The following SLC9A9 variants were observed in gnomAD, a reference collection of about 807,000 sequenced individuals.
The protein encoded by SLC9A9 is sodium/hydrogen exchanger 9.
SLC9A9 carries 62 observed loss-of-function variants against 77.8 expected under a neutral mutation model. The observed-to-expected ratio is 0.80, with a 90% CI of 0.65 to 0.98. The LOEUF (loss-of-function observed/expected upper bound fraction) is 0.98, where lower values mean the gene tolerates loss of function less well. Among genes scored for constraint, SLC9A9 ranks in the 50% least tolerant of loss-of-function variants. The pLI, the probability that SLC9A9 is intolerant of heterozygous loss-of-function variation, is 0.00. For missense variants in SLC9A9, 775 were observed against 774.9 expected, an observed-to-expected ratio of 1.00 and a Z score of 0.00; for synonymous variants, 320 against 283.5, an observed-to-expected ratio of 1.13 and a Z score of -1.29.
intron 9 of SLC9A9, among the ~76,000 whole-genome samples, chr3:143,512,004 G>A (rs2036123627): frequency 6.6e-6 from 1 of 152,170 alleles, no homozygotes; most frequent in African/African-American, 2.4e-5. Flanking sequence ...TCACAAAACA[G>A]GCAATTTCTC....
chr3:143,514,803 T>C lies in SLC9A9; in HGVS notation c.1090-19355A>G, dbSNP rs552274031. Among the ~76,000 whole-genome samples the C allele has an allele frequency of 3.3e-5, 5 of 152,356 alleles. No homozygotes were observed. The South Asian group carries it at 1.0e-3, about 32-fold the overall frequency. Reference sequence around the variant, plus strand: ...GAATGTTGTAGCTGGTTTTATCCTCTATCCAGACCACTAAAACTTTCTCTA... The same window carrying C: ...GAATGTTGTAGCTGGTTTTATCCTCCATCCAGACCACTAAAACTTTCTCTA... On this transcript the variant is annotated intron_variant, in intron 9 of 15. Coordinates refer to ENST00000316549, the MANE Select transcript of SLC9A9 (RefSeq NM_173653.4).
intron 1 of SLC9A9, among the ~76,000 whole-genome samples, chr3:143,838,632 A>G (rs972194757): frequency 1.3e-5 from 2 of 152,204 alleles, no homozygotes; most frequent in African/African-American, 4.8e-5. Flanking sequence ...AGAACATCTG[A>G]GTTCAGGAAT....
chr3:143,765,904 T>C (rs1360419763), intron 4 of SLC9A9, among the ~76,000 whole-genome samples: 4 of 152,186 alleles, frequency 2.6e-5, no homozygotes, highest in African/African-American at 9.7e-5. Context: ...AAATTTTTGC[T>C]GTTTCTGTCA....
chr3:143,795,947 G>A (rs1207830193), intron 3 of SLC9A9, among the ~76,000 whole-genome samples: 2 of 146,226 alleles, frequency 1.4e-5, no homozygotes, highest in Non-Finnish European at 3.0e-5. Flanking sequence ...GAGGGAGCCT[G>A]GAGTACACAC....
intron 6 of SLC9A9, among the ~76,000 whole-genome samples, chr3:143,622,603 C>G (rs931069204): frequency 1.3e-5 from 2 of 151,840 alleles, no homozygotes; most frequent in Admixed American, 6.5e-5. Context: ...CCTAAAAGAG[C>G]TCCTGAAAGA....
chr3:143,795,943 G>A (rs1361067433), intron 3 of SLC9A9, among the ~76,000 whole-genome samples: 1 of 147,110 alleles, frequency 6.8e-6, no homozygotes, highest in Non-Finnish European at 1.5e-5. Flanking sequence ...GCAAGAGGGA[G>A]CCTGGAGTAC....
chr3:143,320,625 A>T (rs2031384047), intron 14 of SLC9A9, among the ~76,000 whole-genome samples: 1 of 152,168 alleles, frequency 6.6e-6, no homozygotes, highest in Non-Finnish European at 1.5e-5. Flanking sequence ...CAGAACTCGA[A>T]CTTGCTTATC....
At chr3:143,617,746 T>G (rs1247392465) in intron 6 of SLC9A9, among the ~76,000 whole-genome samples, 1 of 152,206 alleles carries the variant, frequency 6.6e-6, no homozygotes, top group Non-Finnish European at 1.5e-5. Context: ...CTACTTCACT[T>G]ATCTATCTAC....
intron 11 of SLC9A9, among the ~76,000 whole-genome samples, chr3:143,489,006 A>G (rs1296952426): frequency 2.6e-5 from 4 of 151,962 alleles, no homozygotes; most frequent in Admixed American, 2.6e-4. Context: ...TTCACAAAAA[A>G]CCTGTTAAAC....
chr3:143,633,949 A>T (rs2038469370), intron 6 of SLC9A9, among the ~76,000 whole-genome samples: 1 of 152,064 alleles, frequency 6.6e-6, no homozygotes, highest in Non-Finnish European at 1.5e-5. Flanking sequence ...ACTATCTATT[A>T]AAACACCCAA....
intron 7 of SLC9A9, among the ~76,000 whole-genome samples, chr3:143,576,813 A>G (rs1371591771): frequency 3.3e-5 from 5 of 152,182 alleles, no homozygotes; most frequent in Admixed American, 6.5e-5. Flanking sequence ...CTGTCATAGC[A>G]TAAGTACTGG....
At chr3:143,693,343 G>GATGA (rs1365589743) in intron 4 of SLC9A9, 36 bp from the exon 5 acceptor site, 1 of 1,490,154 alleles carries the variant, frequency 6.7e-7, no homozygotes, top group Non-Finnish European at 9.4e-7. Context: ...CAAACATCAA[G>GATGA]ATGAACCCTG....
intron 5 of SLC9A9, among the ~76,000 whole-genome samples, chr3:143,680,964 T>C (rs1206392912): frequency 1.3e-5 from 2 of 152,142 alleles, no homozygotes; most frequent in Non-Finnish European, 2.9e-5. Context: ...TAGGTATTTA[T>C]TCCCTGACAT....
At chr3:143,645,414 C>T (rs2038688474) in intron 6 of SLC9A9, among the ~76,000 whole-genome samples, 4 of 152,078 alleles carry the variant, frequency 2.6e-5, no homozygotes, top group African/African-American at 9.7e-5. Context: ...ATATTGTTTG[C>T]CTACTTCAGT....
chr3:143,699,879 C>T (rs544999074), intron 4 of SLC9A9, among the ~76,000 whole-genome samples: 4 of 151,944 alleles, frequency 2.6e-5, no homozygotes, highest in Admixed American at 6.6e-5. Flanking sequence ...CTGTGTGACC[C>T]CTCCTTCAAC....
At chr3:143,487,636 T>C (rs1419508642) in intron 11 of SLC9A9, among the ~76,000 whole-genome samples, 1 of 151,844 alleles carries the variant, frequency 6.6e-6, no homozygotes, top group East Asian at 1.9e-4. Context: ...AATAACATAC[T>C]TTTAAATAAT....
At chr3:143,406,365 A>G (rs1388981639) in intron 12 of SLC9A9, among the ~76,000 whole-genome samples, 1 of 151,780 alleles carries the variant, frequency 6.6e-6, no homozygotes. Flanking sequence ...GATCACTAAG[A>G]TTTTATTTTT....
intron 2 of SLC9A9, among the ~76,000 whole-genome samples, chr3:143,823,751 AAT>A (rs1379124538): frequency 1.3e-5 from 2 of 151,798 alleles, no homozygotes; most frequent in African/African-American, 2.4e-5. Context: ...AAAAATATTT[AAT>A]AGTTACAATA....
chr3:143,584,424 C>T (rs2037507922), intron 6 of SLC9A9, among the ~76,000 whole-genome samples: 1 of 152,188 alleles, frequency 6.6e-6, no homozygotes, highest in Non-Finnish European at 1.5e-5. Flanking sequence ...TCCAGCCTCA[C>T]TCCCTTTGTT....
Sources: gnomAD v4.1 joint callset for allele counts (sites outside exome capture counted in the v4.1 genomes callset) on GRCh38, gnomAD v4.1.1 for gene constraint, MANE v1.5 for transcripts, NCBI Gene and HGNC (gene_info 2026-07-23, HGNC 2026-07-21) for gene names.